Variants in SMYD3 observed in about 807,000 individuals in gnomAD.
The protein encoded by SMYD3 is histone-lysine N-methyltransferase SMYD3.
SMYD3 carries 36 observed loss-of-function variants against 57.7 expected under a neutral mutation model. The observed-to-expected ratio is 0.62, with a 90% CI of 0.48 to 0.82. The LOEUF (loss-of-function observed/expected upper bound fraction) is 0.82, where lower values mean the gene tolerates loss of function less well. Ranked by LOEUF, SMYD3 falls within the 40% of genes least tolerant of loss-of-function variation. The pLI, the probability that SMYD3 is intolerant of heterozygous loss-of-function variation, is 0.00. For missense variants in SMYD3, 515 were observed against 538.8 expected (o/e 0.96, Z 0.44); for synonymous variants, 211 against 195.0 (o/e 1.08, Z -0.68).
At chr1:245,787,003 C>T (rs146375915) in intron 10 of SMYD3, among the ~76,000 whole-genome samples, 3 of 152,302 alleles carry the variant, frequency 2.0e-5, no homozygotes, top group African/African-American at 7.2e-5. Flanking sequence ...TGATGTTCTA[C>T]CAAGTTGATG....
intron 5 of SMYD3, among the ~76,000 whole-genome samples, chr1:246,295,855 A>G (rs1251076934): frequency 6.6e-6 from 1 of 152,216 alleles, no homozygotes; most frequent in Non-Finnish European, 1.5e-5. Flanking sequence ...GGCATGGGAC[A>G]AGAAAGTCAA....
At chr1:245,807,467 C>T (rs2048239328) in intron 10 of SMYD3, among the ~76,000 whole-genome samples, 1 of 152,196 alleles carries the variant, frequency 6.6e-6, no homozygotes, top group South Asian at 2.1e-4. Flanking sequence ...ACACCTTGTT[C>T]ACTGGTGACA....
In SMYD3 at chr1:246,136,212, T is replaced by C. The variant is rs76520046; in HGVS notation, c.531+190989A>G. On this transcript the variant is annotated intron_variant, in intron 5 of 11. Coordinates refer to ENST00000490107, the MANE Select transcript of SMYD3 (RefSeq NM_001167740.2). ...TTTAAAGCTTTCAGGCCAGCTCTAA[T>C]AGGTAGCTGTGCCTTGATTTGTGGT... is the stretch of plus-strand genomic sequence containing the variant. Among the ~76,000 whole-genome samples the C allele has an allele frequency of 1.1e-3, 164 of 152,294 alleles. 3 individuals are homozygous for C. The East Asian group carries it at 0.027, about 25-fold the overall frequency.
chr1:245,812,764 A>T (rs1305780066), intron 10 of SMYD3, among the ~76,000 whole-genome samples: 1 of 151,152 alleles, frequency 6.6e-6, no homozygotes, highest in Non-Finnish European at 1.5e-5. Context: ...AGTAGCAGGA[A>T]CTGAGAAGAA....
At chr1:245,778,656 T>C (rs2153412) in intron 10 of SMYD3, among the ~76,000 whole-genome samples, 7,982 of 152,264 alleles carry the variant, frequency 0.052, 702 homozygotes, top group African/African-American at 0.18. Flanking sequence ...TCATAACTTA[T>C]ATATCAAGGT....
At chr1:246,228,461 A>G (rs554052909) in intron 5 of SMYD3, among the ~76,000 whole-genome samples, 93 of 152,350 alleles carry the variant, frequency 6.1e-4, no homozygotes, top group Non-Finnish European at 1.0e-3. Context: ...ATTTTGAGGC[A>G]TAAGAAAATC....
chr1:246,216,782 A>G (rs2063171317), intron 5 of SMYD3, among the ~76,000 whole-genome samples: 1 of 152,198 alleles, frequency 6.6e-6, no homozygotes, highest in Admixed American at 6.5e-5. Context: ...AGTCAAGTAA[A>G]GATACCAGGC....
chr1:246,095,812 G>A (rs1017848440), intron 5 of SMYD3, among the ~76,000 whole-genome samples: 1 of 152,166 alleles, frequency 6.6e-6, no homozygotes, highest in Admixed American at 6.5e-5. Context: ...GGAGCTTGAG[G>A]CTGCAGGGAT....
At chr1:246,253,414 C>G (rs573168647) in intron 5 of SMYD3, among the ~76,000 whole-genome samples, 7 of 152,168 alleles carry the variant, frequency 4.6e-5, no homozygotes, top group Non-Finnish European at 1.0e-4. Flanking sequence ...ATAATGACCT[C>G]CAGCTGCATC....
intron 8 of SMYD3, among the ~76,000 whole-genome samples, chr1:245,886,284 T>A (rs1003155517): frequency 6.6e-6 from 1 of 152,084 alleles, no homozygotes; most frequent in Non-Finnish European, 1.5e-5. Flanking sequence ...CTAATTTACA[T>A]ATCAAAACAA....
At chr1:246,483,219 A>C (rs1466025082) in intron 1 of SMYD3, among the ~76,000 whole-genome samples, 2 of 152,238 alleles carry the variant, frequency 1.3e-5, no homozygotes, top group Non-Finnish European at 2.9e-5. Context: ...ATGTGCCTGA[A>C]CATTAAGAGT....
intron 8 of SMYD3, among the ~76,000 whole-genome samples, chr1:245,882,848 G>T (rs1043813932): frequency 1.3e-5 from 2 of 152,218 alleles, no homozygotes; most frequent in African/African-American, 4.8e-5. Context: ...GGCAGGAGTA[G>T]TAATTTTCCT....
intron 5 of SMYD3, among the ~76,000 whole-genome samples, chr1:246,078,895 G>A (rs1023205143): frequency 2.0e-5 from 3 of 152,134 alleles, no homozygotes; most frequent in Non-Finnish European, 4.4e-5. Context: ...ATCTACCATG[G>A]TTCCAGGTAC....
At position 246,177,903 on chromosome 1, in the gene SMYD3, C is replaced by A. The variant is rs1392192265; in HGVS notation, c.531+149298G>T. ...CATTTCGCCTAGCAACTCCCCCAGG[C>A]CATCCTTACAGCAGGCTTAGGGAGG... On this transcript the variant is annotated intron_variant, in intron 5 of 11. Transcript: ENST00000490107. Among the ~76,000 whole-genome samples the A allele has an allele frequency of 2.6e-5, 4 of 152,302 alleles. No homozygotes were observed. The East Asian group carries it at 5.8e-4, about 22-fold the overall frequency.
intron 1 of SMYD3, among the ~76,000 whole-genome samples, chr1:246,374,105 G>A (rs1026229290): frequency 1.3e-5 from 2 of 152,068 alleles, no homozygotes; most frequent in Non-Finnish European, 2.9e-5. Flanking sequence ...TTGATTTCAG[G>A]GAGAGGAGAT....
chr1:246,252,823 T>G (rs901193593), intron 5 of SMYD3, among the ~76,000 whole-genome samples: 10 of 152,198 alleles, frequency 6.6e-5, no homozygotes, highest in African/African-American at 2.2e-4. Flanking sequence ...AAGTATTCAC[T>G]AACAGAACAA....
chr1:245,978,892 C>A (rs979089290), intron 5 of SMYD3, among the ~76,000 whole-genome samples: 14 of 152,164 alleles, frequency 9.2e-5, no homozygotes, highest in African/African-American at 3.4e-4. Flanking sequence ...TAATGAATTT[C>A]TTTCCTGGGA....
chr1:246,123,595 C>T (rs1345526774), intron 5 of SMYD3, among the ~76,000 whole-genome samples: 2 of 151,178 alleles, frequency 1.3e-5, no homozygotes, highest in African/African-American at 2.4e-5. Flanking sequence ...CACACACACA[C>T]ACACACACAC....
At chr1:245,930,520 C>T in intron 5 of SMYD3, 1 of 217,466 alleles carries the variant, frequency 4.6e-6, no homozygotes, top group Non-Finnish European at 9.2e-6. Flanking sequence ...ATGACACAGT[C>T]CTGTCTTATG....
Sources: allele counts gnomAD v4.1 joint callset (sites outside exome capture counted in the v4.1 genomes callset), GRCh38; gene constraint gnomAD v4.1.1; transcripts MANE v1.5; gene names NCBI Gene and HGNC (gene_info 2026-07-23, HGNC 2026-07-21).